The following GRM7 variants were observed in gnomAD, a reference collection of about 807,000 sequenced individuals.
The protein encoded by GRM7 is glutamate metabotropic receptor 7, also known as metabotropic glutamate receptor 7.
A neutral mutation model predicts 84.5 loss-of-function variants in GRM7; 35 were observed. The observed-to-expected ratio is 0.41, with a 90% CI of 0.32 to 0.55. GRM7 has a LOEUF of 0.55. GRM7 is among the 20% of genes least tolerant of loss of function. GRM7 has a pLI of 0.19. For synonymous variants in GRM7, 487 were observed against 455.1 expected (o/e 1.07, Z -0.89); for missense variants, 1,003 against 1,194.6 (o/e 0.84, Z 2.36).
chr3:6,875,505 T>C (rs1333079870), intron 1 of GRM7, among the ~76,000 whole-genome samples: 2 of 152,176 alleles, frequency 1.3e-5, no homozygotes, highest in African/African-American at 4.8e-5. Flanking sequence ...GGTGTAGCTT[T>C]GCTCTTCATT....
At chr3:7,598,691 C>A (rs1696165024) in intron 8 of GRM7, among the ~76,000 whole-genome samples, 1 of 152,002 alleles carries the variant, frequency 6.6e-6, no homozygotes, top group Non-Finnish European at 1.5e-5. Context: ...TTTTGAAAAT[C>A]CTATTGGCAA....
intron 1 of GRM7, among the ~76,000 whole-genome samples, chr3:7,055,034 C>T (rs886980288): frequency 2.0e-5 from 3 of 151,926 alleles, no homozygotes; most frequent in African/African-American, 4.8e-5. Flanking sequence ...AATCTGGTCT[C>T]TTGCTATTGG....
intron 8 of GRM7, among the ~76,000 whole-genome samples, chr3:7,601,411 C>A (rs1487203794): frequency 6.6e-6 from 1 of 151,974 alleles, no homozygotes; most frequent in Non-Finnish European, 1.5e-5. Context: ...TGGCTGTGTT[C>A]ATCAAGGTTC....
intron 2 of GRM7, among the ~76,000 whole-genome samples, chr3:7,246,270 T>G (rs570508380): frequency 6.6e-6 from 1 of 152,250 alleles, no homozygotes; most frequent in African/African-American, 2.4e-5. Context: ...TGGCTCCAGA[T>G]TAGCCTATTG....
At chr3:7,517,004 C>T (rs887455433) in intron 7 of GRM7, among the ~76,000 whole-genome samples, 2 of 152,168 alleles carry the variant, frequency 1.3e-5, no homozygotes, top group African/African-American at 2.4e-5. Flanking sequence ...TGCTGCCCCG[C>T]TCCCCTCAGC....
intron 7 of GRM7, among the ~76,000 whole-genome samples, chr3:7,536,268 C>T (rs1176107716): frequency 1.3e-5 from 2 of 152,092 alleles, no homozygotes; most frequent in Non-Finnish European, 2.9e-5. Context: ...TAATGAACAA[C>T]AGAAGAAAAC....
At chr3:7,528,802 G>T (rs1700911650) in intron 7 of GRM7, among the ~76,000 whole-genome samples, 2 of 151,840 alleles carry the variant, frequency 1.3e-5, no homozygotes, top group South Asian at 4.2e-4. Context: ...AAATTGTTTA[G>T]TTTCCATGTA....
At position 7,136,117 on chromosome 3, in the gene GRM7, A is replaced by C. The variant is rs568352670; in HGVS notation, c.520-10335A>C. Among the ~76,000 whole-genome samples the C allele has an allele frequency of 2.4e-4, 37 of 152,168 alleles. No individual in the cohort carries two copies. In the East Asian group the frequency reaches 5.2e-3, roughly 21 times the overall value. ...AGTGAAAGTGCGTCATACATGCATA[A>C]TATTTCTTTTTTTATTAGAAATGAC... On this transcript the variant is annotated intron_variant, in intron 1 of 9. Transcript: ENST00000357716.
chr3:6,907,167 T>A (rs1696609390), intron 1 of GRM7, among the ~76,000 whole-genome samples: 1 of 152,146 alleles, frequency 6.6e-6, no homozygotes, highest in South Asian at 2.1e-4. Context: ...AGCCTTTCAA[T>A]GTGCTAGAAA....
chr3:7,175,853 A>G (rs1360572928), intron 2 of GRM7, among the ~76,000 whole-genome samples: 2 of 152,120 alleles, frequency 1.3e-5, no homozygotes, highest in Non-Finnish European at 1.5e-5. Context: ...TTTGCATTTT[A>G]TTAATAAGCA....
intron 7 of GRM7, among the ~76,000 whole-genome samples, chr3:7,547,367 T>C (rs1041852408): frequency 6.6e-6 from 1 of 151,820 alleles, no homozygotes; most frequent in African/African-American, 2.4e-5. Flanking sequence ...CCGCCACGCC[T>C]GGCTAATTTT....
At chr3:7,160,307 A>C (rs558373775) in intron 2 of GRM7, among the ~76,000 whole-genome samples, 1 of 152,276 alleles carries the variant, frequency 6.6e-6, no homozygotes, top group African/African-American at 2.4e-5. Context: ...GTTATTGGAA[A>C]AGTGCCAAGA....
At chr3:7,312,575 G>C (rs1435762235) in intron 4 of GRM7, among the ~76,000 whole-genome samples, 1 of 152,140 alleles carries the variant, frequency 6.6e-6, no homozygotes, top group Non-Finnish European at 1.5e-5. Flanking sequence ...ATTTGTGACT[G>C]ATGTTCTTGA....
At chr3:7,414,874 C>A in intron 4 of GRM7, 149 bp from the exon 5 acceptor site, 1 of 559,308 alleles carries the variant, frequency 1.8e-6, no homozygotes, top group Non-Finnish European at 3.1e-6. Context: ...AATATTTTTC[C>A]TCCTTCTGTT....
At chr3:7,535,309 G>C (rs1021628847) in intron 7 of GRM7, 1 of 151,812 alleles carries the variant, frequency 6.6e-6, no homozygotes, top group African/African-American at 2.4e-5. Flanking sequence ...AAAAGAAAAA[G>C]AAAAAAATAA....
chr3:7,178,542 G>T (rs1369214433), intron 2 of GRM7, among the ~76,000 whole-genome samples: 2 of 152,154 alleles, frequency 1.3e-5, no homozygotes, highest in Admixed American at 6.5e-5. Context: ...TAAGCTGTTT[G>T]GTTTGTATAG....
chr3:7,702,896 A>G (rs551603115), intron 9 of GRM7, among the ~76,000 whole-genome samples: 1 of 152,196 alleles, frequency 6.6e-6, no homozygotes, highest in African/African-American at 2.4e-5. Flanking sequence ...GGAGATAGTC[A>G]TAACAAAAAC....
At chr3:6,974,309 A>G (rs1205595378) in intron 1 of GRM7, among the ~76,000 whole-genome samples, 2 of 152,222 alleles carry the variant, frequency 1.3e-5, no homozygotes, top group African/African-American at 2.4e-5. Context: ...TGTTATGTTC[A>G]TCATCCTAGT....
chr3:7,063,260 G>T (rs1470840497), intron 1 of GRM7, among the ~76,000 whole-genome samples: 2 of 151,698 alleles, frequency 1.3e-5, no homozygotes, highest in African/African-American at 4.8e-5. Flanking sequence ...GTAAGGCTTG[G>T]TATACAAGGC....
Sources: allele counts gnomAD v4.1 joint callset (sites outside exome capture counted in the v4.1 genomes callset), GRCh38; gene constraint gnomAD v4.1.1; transcripts MANE v1.5; gene names NCBI Gene and HGNC (gene_info 2026-07-23, HGNC 2026-07-21).